FOCAD: variants seen among roughly 807,000 people sequenced by gnomAD.
The protein encoded by FOCAD is KIAA1797.
Under a neutral mutation model 225.6 loss-of-function variants are expected in FOCAD, and 198 were observed. The ratio of observed to expected loss-of-function variants is 0.88; its 90% CI spans 0.78 to 0.99. FOCAD has a LOEUF of 0.99. Among genes scored for constraint, FOCAD ranks in the 50% least tolerant of loss-of-function variants. FOCAD has a pLI of 0.00. For synonymous variants in FOCAD, 897 were observed against 755.0 expected (o/e 1.19, Z -3.08); for missense variants, 2,713 against 2,123.6 (o/e 1.28, Z -5.46).
rs1054875704 is a variant in FOCAD at position 20,866,830 on chromosome 9, G to T, written c.2107-99G>T. ...AGAACTTTGGGATTGGTGAGGGAAG[G>T]TTTCTTTCCCCCTCCAGATTTGATG... On this transcript the variant is annotated intron_variant, in intron 17 of 43. Coordinates refer to ENST00000338382, the MANE Select transcript of FOCAD (RefSeq NM_001375567.1). 10 of 673,524 alleles carry T rather than the reference G, an allele frequency of 1.5e-5. No homozygotes were observed. In the African/African-American group the frequency reaches 2.1e-4, roughly 14 times the overall value. 41.7% of individuals were successfully genotyped at this position (673,524 alleles called of 1,614,324 possible). A position where few individuals can be genotyped will look rare whatever the true frequency, so the allele number is the denominator to read the frequency against.
Position 20,707,727 on chromosome 9 carries a change from G to A in FOCAD, c.-32-7595G>A, listed in dbSNP as rs149237846. 1.4e-3 allele frequency among the ~76,000 whole-genome samples: 213 copies of A among 152,252 alleles called. 5 individuals carry two copies. The South Asian group carries it at 0.02, about 15-fold the overall frequency. On this transcript the variant is annotated intron_variant, in intron 1 of 43. Transcript: ENST00000338382. ...AGGTTGGTCTTGCTGTCTCAGGGGT[G>A]CCAGAGGTAGAAGAAAAGCCACGTA...
At chr9:20,685,973 G>T (rs1347764141) in intron 1 of FOCAD, among the ~76,000 whole-genome samples, 1 of 152,134 alleles carries the variant, frequency 6.6e-6, no homozygotes. Context: ...GGTGCTTACC[G>T]GTAAATCGTT....
intron 1 of FOCAD, among the ~76,000 whole-genome samples, chr9:20,689,601 G>T (rs1396623994): frequency 6.6e-6 from 1 of 152,134 alleles, no homozygotes; most frequent in Non-Finnish European, 1.5e-5. Flanking sequence ...CTAGTGAAGA[G>T]GCTGAGGATA....
At chr9:20,687,861 G>A (rs1822757076) in intron 1 of FOCAD, among the ~76,000 whole-genome samples, 1 of 152,146 alleles carries the variant, frequency 6.6e-6, no homozygotes, top group African/African-American at 2.4e-5. Flanking sequence ...GTATAGTGGG[G>A]GATAGAGAAA....
chr9:20,969,892 G>A (rs1048350560), intron 35 of FOCAD, among the ~76,000 whole-genome samples: 1 of 151,608 alleles, frequency 6.6e-6, no homozygotes, highest in African/African-American at 2.4e-5. Context: ...GCATGTCTAT[G>A]GGTAACAAAC....
At position 20,740,347 on chromosome 9, in the gene FOCAD, C is replaced by CT; in HGVS notation, c.392+13dup. The CT allele has an allele frequency of 1.4e-6, 2 of 1,448,370 alleles. No homozygotes were observed. The highest frequency in any genetic ancestry group is 1.6e-5 in the African/African-American group (1 of 62,716). The allele number at this position is 1,448,370 out of a possible 1,614,324, so 89.7% of individuals were successfully genotyped here. ...AGAGTATATATACCATTAGGTAAGC[C>CT]TTTTTTCTGTTTTTTTTTTAAACAA... On this transcript the variant is annotated splice_region_variant and intron_variant, in intron 5 of 43. Transcript: ENST00000338382.
intron 22 of FOCAD, among the ~76,000 whole-genome samples, chr9:20,910,471 C>A (rs1338113473): frequency 1.3e-5 from 2 of 151,970 alleles, no homozygotes; most frequent in Non-Finnish European, 2.9e-5. Flanking sequence ...CAATTTATAC[C>A]TTTTTTGCTT....
At position 20,949,629 on chromosome 9, in the gene FOCAD, C is replaced by G; in HGVS notation, c.3902C>G (p.Ser1301Cys). 1 of 1,613,252 alleles carries G rather than the reference C, an allele frequency of 6.2e-7. No homozygotes were observed. The highest frequency in any genetic ancestry group is 8.5e-7 in the Non-Finnish European group (1 of 1,179,430). The change falls in exon 33 of 44, where the codon TCT becomes TGT. Residue 1301 changes from serine to cysteine, a missense_variant. Transcript: ENST00000338382. ...CTGAAATCAGAAGCCATCCAGACCT[C>G]TCATTTTCAAGGCAGACTTAATGAA... ...MQLKSEAIQT[S>C]HFQGRLNEVI...
At chr9:20,719,227 G>A (rs1360896428) in intron 3 of FOCAD, among the ~76,000 whole-genome samples, 2 of 152,030 alleles carry the variant, frequency 1.3e-5, no homozygotes, top group Admixed American at 6.6e-5. Flanking sequence ...GACTACAGGT[G>A]TGTGCCACCA....
At chr9:20,915,207 T>C (rs1833769416) in intron 23 of FOCAD, among the ~76,000 whole-genome samples, 1 of 152,086 alleles carries the variant, frequency 6.6e-6, no homozygotes, top group African/African-American at 2.4e-5. Flanking sequence ...GAGGTGAATT[T>C]AGGAAACATC....
chr9:20,789,648 C>G (rs1461187501), intron 11 of FOCAD, 40 bp downstream of exon 11: 1 of 1,600,710 alleles, frequency 6.2e-7, no homozygotes, highest in Non-Finnish European at 8.5e-7. Context: ...GAGAGGAAAG[C>G]TTAATCATTG....
chr9:20,870,884 A>G (rs1260985495), intron 18 of FOCAD, among the ~76,000 whole-genome samples: 1 of 152,162 alleles, frequency 6.6e-6, no homozygotes, highest in South Asian at 2.1e-4. Flanking sequence ...AGGAGTATCT[A>G]TATTCAATTT....
At position 20,769,377 on chromosome 9, in the gene FOCAD, A is replaced by G. The variant is rs140549072; in HGVS notation, c.700-655A>G. On this transcript the variant is annotated intron_variant, in intron 7 of 43. Transcript: ENST00000338382. ...TGTTTGTAATCTCTGGGAAATGCCA[A>G]TGTGTCTGTGAGCAGGACCATATCC... is the stretch of plus-strand genomic sequence containing the variant. Among the ~76,000 whole-genome samples, 17 of 152,322 alleles carry G rather than the reference A, an allele frequency of 1.1e-4. 1 individual carries two copies. The highest frequency in any genetic ancestry group is 3.9e-4 in the Admixed American group (6 of 15,302).
chr9:20,703,209 C>G (rs141168962), intron 1 of FOCAD, among the ~76,000 whole-genome samples: 1 of 151,922 alleles, frequency 6.6e-6, no homozygotes, highest in East Asian at 1.9e-4. Context: ...AGGGAAGGTT[C>G]GAGGGAACAT....
At chr9:20,981,860 T>C (rs1840730605) in intron 38 of FOCAD, among the ~76,000 whole-genome samples, 174 bp downstream of exon 38, 1 of 152,160 alleles carries the variant, frequency 6.6e-6, no homozygotes, top group Non-Finnish European at 1.5e-5. Flanking sequence ...TGAGGTTGAA[T>C]ATTTAGAACC....
In FOCAD at chr9:20,990,226, A is replaced by G. The variant is rs763608595; in HGVS notation, c.5108A>G (p.His1703Arg). 17 of 1,614,056 alleles carry G rather than the reference A, an allele frequency of 1.1e-5. No individual in the cohort carries two copies. Among genetic ancestry groups the G allele is most frequent in the Non-Finnish European group, 1.3e-5 (15 of 1,180,030 alleles). ...LGLSASWLPW[H>R]QENGPAGPVP... ...CTCAGTGCCAGTTGGTTGCCATGGC[A>G]TCAGGAGAATGGCCCGGCTGGGCCA... The change falls in exon 42 of 44, where the codon CAT becomes CGT. Residue 1703 changes from histidine to arginine, a missense_variant. His to Arg is a conservative substitution (Grantham distance 29). Coordinates refer to ENST00000338382, the MANE Select transcript of FOCAD (RefSeq NM_001375567.1).
At chr9:20,685,520 C>T (rs1822611318) in intron 1 of FOCAD, among the ~76,000 whole-genome samples, 2 of 152,216 alleles carry the variant, frequency 1.3e-5, no homozygotes, top group South Asian at 4.1e-4. Context: ...TTTTGATTCA[C>T]ATCCAATTCC....
intron 35 of FOCAD, among the ~76,000 whole-genome samples, chr9:20,956,397 C>T (rs1838141611): frequency 6.6e-6 from 1 of 152,080 alleles, no homozygotes; most frequent in African/African-American, 2.4e-5. Context: ...CTGTATAATA[C>T]TAAGTTAAAA....
At chr9:20,877,462 A>G (rs988269452) in intron 19 of FOCAD, among the ~76,000 whole-genome samples, 2 of 152,236 alleles carry the variant, frequency 1.3e-5, no homozygotes, top group African/African-American at 4.8e-5. Flanking sequence ...ACTTTACACA[A>G]TAAAATAGGC....
Sources: allele counts gnomAD v4.1 joint callset (sites outside exome capture counted in the v4.1 genomes callset), GRCh38; gene constraint gnomAD v4.1.1; transcripts MANE v1.5; gene names NCBI Gene and HGNC (gene_info 2026-07-23, HGNC 2026-07-21).